The following AKR1E2 variants were observed in gnomAD, a reference collection of about 807,000 sequenced individuals.
AKR1E2 encodes the protein aldo-keto reductase family 1 member E2.
In AKR1E2, 43 loss-of-function variants were observed where a neutral mutation model predicts 41.9. The observed-to-expected ratio is 1.03, with a 90% CI of 0.80 to 1.32. The LOEUF (loss-of-function observed/expected upper bound fraction) is 1.32. Ranked by LOEUF, AKR1E2 falls within the 40% of genes most tolerant of loss-of-function variation. AKR1E2 has a pLI of 0.00. For missense variants in AKR1E2, 423 were observed against 396.5 expected (o/e 1.07, Z -0.57); for synonymous variants, 121 against 138.9 (o/e 0.87, Z 0.91).
rs1350699743 is a variant in AKR1E2, at chr10:4,847,565, G to C, written c.*35G>C. The C allele has an allele frequency of 1.2e-6, 2 of 1,608,772 alleles. No individual in the cohort carries two copies. The highest frequency in any genetic ancestry group is 8.5e-7 in the Non-Finnish European group (1 of 1,175,884). ...CCCTTCCTTGTTTCTGCTCAGCCCA[G>C]ATGCACAGACACTATTGGCAATGTT... is the stretch of plus-strand genomic sequence containing the variant. On this transcript the variant is annotated 3_prime_UTR_variant, in exon 10 of 10. Transcript: ENST00000298375.
upstream of AKR1E2, among the ~76,000 whole-genome samples, chr10:4,825,512 T>C (rs1171701200): frequency 2.0e-5 from 3 of 151,840 alleles, no homozygotes; most frequent in African/African-American, 7.3e-5. Context: ...GCAAGGACGC[T>C]CCCCTCTACA....
At position 4,835,782 on chromosome 10, in the gene AKR1E2, T is replaced by G. The variant is rs764113919; in HGVS notation, c.432T>G (p.Ser144Arg). The G allele has an allele frequency of 1.9e-6, 3 of 1,614,114 alleles. No homozygotes were observed. In the South Asian group the frequency reaches 3.3e-5, roughly 18 times the overall value. ...PLDESNMVIP[S>R]DTDFLDTWEA... ...ACGAGAGCAACATGGTTATTCCCAG[T>G]GACACGGACTTCCTGGACACGTGGG... The change falls in exon 4 of 10, where the codon AGT becomes AGG. Residue 144 changes from serine to arginine, a missense_variant. Ser to Arg is a moderately radical substitution (Grantham distance 110, BLOSUM62 -1). Transcript: ENST00000298375.
At chr10:4,864,147 A>G in the AKR1E2 span, among the ~76,000 whole-genome samples, 1 of 152,164 alleles carries the variant, frequency 6.6e-6, no homozygotes, top group Non-Finnish European at 1.5e-5. Context: ...AGCCTGGCAG[A>G]GACACAACAA....
the AKR1E2 span, among the ~76,000 whole-genome samples, chr10:4,858,602 C>T: frequency 6.6e-6 from 1 of 151,982 alleles, no homozygotes; most frequent in Non-Finnish European, 1.5e-5. Flanking sequence ...AGATGAATGC[C>T]TAAGGTTCAA....
the AKR1E2 span, among the ~76,000 whole-genome samples, chr10:4,862,913 A>T: frequency 2.0e-5 from 3 of 151,780 alleles, no homozygotes; most frequent in South Asian, 4.1e-4. Context: ...AGAAGAGCTA[A>T]CCTAAATACA....
At chr10:4,843,819 G>A (rs987839268) in intron 8 of AKR1E2, among the ~76,000 whole-genome samples, 3 of 152,212 alleles carry the variant, frequency 2.0e-5, no homozygotes, top group Admixed American at 6.5e-5. Context: ...CCTGCTGCCC[G>A]CATGCCCTTC....
chr10:4,829,023 C>G (rs2961573), intron 1 of AKR1E2, among the ~76,000 whole-genome samples: 132,630 of 152,176 alleles, frequency 0.87, 59,296 homozygotes, highest in East Asian at 0.98. Flanking sequence ...TTTTTTTCCA[C>G]TCTTTAAGCT....
At chr10:4,870,915 T>C in the AKR1E2 span, among the ~76,000 whole-genome samples, 1 of 152,180 alleles carries the variant, frequency 6.6e-6, no homozygotes, top group Non-Finnish European at 1.5e-5. Context: ...CAGGATTTGA[T>C]GGCATGAACG....
the AKR1E2 span, among the ~76,000 whole-genome samples, chr10:4,854,375 A>T: frequency 2.6e-5 from 4 of 152,074 alleles, no homozygotes; most frequent in African/African-American, 9.7e-5. Flanking sequence ...TATAGGCATG[A>T]GCCACCGCAC....
At chr10:4,841,418 C>A (rs79790473) in intron 6 of AKR1E2, among the ~76,000 whole-genome samples, 2 of 152,136 alleles carry the variant, frequency 1.3e-5, no homozygotes, top group Admixed American at 1.3e-4. Flanking sequence ...AATATCGATT[C>A]GCTGTGCTGT....
At chr10:4,847,467 A>G (rs1031303986) in intron 9 of AKR1E2, 21 bp from the exon 10 acceptor site, 30 of 1,609,186 alleles carry the variant, frequency 1.9e-5, no homozygotes, top group Non-Finnish European at 2.2e-5. Context: ...CCTATTTTTG[A>G]TTTGTTTTTC....
At chr10:4,843,553 T>C (rs898874022) in intron 8 of AKR1E2, among the ~76,000 whole-genome samples, 4 of 152,222 alleles carry the variant, frequency 2.6e-5, no homozygotes, top group Admixed American at 2.6e-4. Flanking sequence ...GAGCTGCCCA[T>C]GAGCTCCACA....
chr10:4,842,648 A>G (rs2131555392), intron 8 of AKR1E2, 144 bp downstream of exon 8: 1 of 678,192 alleles, frequency 1.5e-6, no homozygotes, highest in Non-Finnish European at 2.5e-6. Context: ...TTGGTGGTTG[A>G]CCTTCCCTCA....
Position 4,845,777 on chromosome 10 carries a change from G to C in AKR1E2, c.838-1371G>C, listed in dbSNP as rs747103086. The C allele has an allele frequency of 4.9e-5, 23 of 471,030 alleles. 1 individual carries two copies. The highest frequency in any genetic ancestry group is 3.6e-4 in the South Asian group (23 of 64,574). The allele number at this position is 471,030 out of a possible 1,614,324, so 29.2% of individuals were successfully genotyped here. A position where few individuals can be genotyped will look rare whatever the true frequency, so the allele number is the denominator to read the frequency against. ...CTGAGATGCCCCCATTCCTCTGTTA[G>C]GTCTGCTACACACTGAGGGGAAATG... is the stretch of plus-strand genomic sequence containing the variant. On this transcript the variant is annotated intron_variant, in intron 8 of 9. Transcript: ENST00000298375.
At chr10:4,850,890 C>T (rs904467676), downstream of AKR1E2, among the ~76,000 whole-genome samples, 2 of 152,224 alleles carry the variant, frequency 1.3e-5, no homozygotes, top group African/African-American at 4.8e-5. Flanking sequence ...GTTTATTTCT[C>T]CATCTTTTCT....
chr10:4,870,401 A>G, the AKR1E2 span, among the ~76,000 whole-genome samples: 1 of 151,888 alleles, frequency 6.6e-6, no homozygotes, highest in Non-Finnish European at 1.5e-5. Context: ...TTTCTTCCTG[A>G]TGTTACAAGG....
downstream of AKR1E2, among the ~76,000 whole-genome samples, chr10:4,852,461 T>G (rs1203131070): frequency 6.6e-6 from 1 of 152,202 alleles, no homozygotes; most frequent in African/African-American, 2.4e-5. Context: ...GATTAATTCT[T>G]GTAAAATAAT....
chr10:4,835,623 T>C, intron 3 of AKR1E2, 52 bp from the exon 4 acceptor site: 1 of 1,491,266 alleles, frequency 6.7e-7, no homozygotes, highest in South Asian at 1.2e-5. Context: ...ACATGGTTTT[T>C]TTTGTTTTGT....
intron 1 of AKR1E2, among the ~76,000 whole-genome samples, chr10:4,828,311 AAG>A (rs1413055318): frequency 2.0e-5 from 3 of 152,170 alleles, no homozygotes; most frequent in Non-Finnish European, 4.4e-5. Flanking sequence ...GCTGAAGCAC[AAG>A]AGAGCAAGGG....
Sources: allele counts gnomAD v4.1 joint callset (sites outside exome capture counted in the v4.1 genomes callset), GRCh38; gene constraint gnomAD v4.1.1; transcripts MANE v1.5; gene names NCBI Gene and HGNC (gene_info 2026-07-23, HGNC 2026-07-21).